MECOM: variants seen among roughly 807,000 people sequenced by gnomAD.
The protein encoded by MECOM is MDS1 and EVI1 complex locus.
In MECOM, 13 loss-of-function variants were observed where a neutral mutation model predicts 116.3. The observed-to-expected ratio is 0.11, with a 90% CI of 0.07 to 0.18. MECOM has a LOEUF of 0.18. MECOM is among the 10% of genes least tolerant of loss of function. The pLI is 1.00. For missense variants in MECOM, 1,299 were observed against 1,509.0 expected (o/e 0.86, Z 2.31); for synonymous variants, 528 against 535.2 (o/e 0.99, Z 0.19).
At chr3:169,145,231 C>T in intron 2 of MECOM, 1 of 526,684 alleles carries the variant, frequency 1.9e-6, no homozygotes, top group East Asian at 3.0e-5. Context: ...TGCCTCTTCA[C>T]ACTAACAACG....
chr3:169,083,856 C>T lies in MECOM; in HGVS notation c.*1053G>A, dbSNP rs1048392434. 9.7e-5 allele frequency: 21 copies of T among 216,572 alleles called. No homozygotes were observed. The highest frequency in any genetic ancestry group is 1.9e-4 in the Non-Finnish European group (20 of 107,538). 13.4% of individuals were successfully genotyped at this position (216,572 alleles called of 1,614,324 possible). On this transcript the variant is annotated 3_prime_UTR_variant, in exon 17 of 17. Transcript: ENST00000651503. ...ATGCTTCCATGAAAGAAATTATAAT[C>T]GTTTATACAATTGAATCGATTTCAG... is the stretch of plus-strand genomic sequence containing the variant.
At chr3:169,470,024 A>C (rs1019501635) in intron 1 of MECOM, 3 of 152,204 alleles carry the variant, frequency 2.0e-5, no homozygotes, top group Non-Finnish European at 4.4e-5. Context: ...CTCTTAAATA[A>C]ATTGTTGAAT....
intron 1 of MECOM, among the ~76,000 whole-genome samples, chr3:169,523,040 T>C (rs1344512932): frequency 6.6e-6 from 1 of 152,248 alleles, no homozygotes; most frequent in African/African-American, 2.4e-5. Flanking sequence ...ATTTTTGTAA[T>C]GTCATCACTT....
chr3:169,196,899 C>A (rs575966877), intron 2 of MECOM, among the ~76,000 whole-genome samples: 4 of 152,058 alleles, frequency 2.6e-5, no homozygotes, highest in Non-Finnish European at 1.5e-5. Flanking sequence ...TTAGCAAAAT[C>A]ATGGAGTCAA....
chr3:169,609,732 C>T (rs1769023953), intron 1 of MECOM, among the ~76,000 whole-genome samples: 1 of 152,082 alleles, frequency 6.6e-6, no homozygotes, highest in Non-Finnish European at 1.5e-5. Flanking sequence ...AAACAAGCAG[C>T]AAGTCAAAAA....
Position 169,164,465 on chromosome 3 carries a change from A to G in MECOM, c.376-20633T>C, listed in dbSNP as rs527926866. Among the ~76,000 whole-genome samples the G allele has an allele frequency of 2.6e-5, 4 of 152,230 alleles. No homozygotes were observed. The South Asian group carries it at 8.3e-4, about 32-fold the overall frequency. On this transcript the variant is annotated intron_variant, in intron 2 of 16. Transcript: ENST00000651503. ...AGCGGCATGAAAACCGACTAATACA[A>G]CAGTCTTTTAGGAAAAGATACACGC...
At chr3:169,462,023 C>T (rs1747535746) in intron 1 of MECOM, among the ~76,000 whole-genome samples, 1 of 152,102 alleles carries the variant, frequency 6.6e-6, no homozygotes, top group Non-Finnish European at 1.5e-5. Context: ...CAAATATTCG[C>T]TAGTGTATTT....
intron 9 of MECOM, among the ~76,000 whole-genome samples, chr3:169,110,699 A>C (rs892932247): frequency 6.6e-6 from 1 of 152,184 alleles, no homozygotes; most frequent in Non-Finnish European, 1.5e-5. Context: ...CCTGCTCCAG[A>C]ATGGCAGAAA....
chr3:169,624,457 A>T (rs1481553107), intron 1 of MECOM, among the ~76,000 whole-genome samples: 2 of 152,088 alleles, frequency 1.3e-5, no homozygotes, highest in Non-Finnish European at 2.9e-5. Context: ...TCCCCTAAAG[A>T]TATAAGAGAG....
intron 2 of MECOM, among the ~76,000 whole-genome samples, chr3:169,330,547 G>C (rs1279564107): frequency 6.6e-6 from 1 of 152,062 alleles, no homozygotes; most frequent in East Asian, 1.9e-4. Flanking sequence ...TTAAAAAAGA[G>C]CAAATAACAA....
At chr3:169,122,851 G>A in intron 5 of MECOM, 124 bp from the exon 6 acceptor site, 1 of 1,098,526 alleles carries the variant, frequency 9.1e-7, no homozygotes. Context: ...TGAGAAGGAG[G>A]GAAGAGCAGA....
intron 3 of MECOM, among the ~76,000 whole-genome samples, chr3:169,137,183 G>A (rs893493615): frequency 2.0e-5 from 3 of 152,100 alleles, no homozygotes; most frequent in African/African-American, 2.4e-5. Flanking sequence ...AGCAATTGGA[G>A]GGTGGGTAGG....
At chr3:169,263,442 T>A (rs758966215) in intron 2 of MECOM, among the ~76,000 whole-genome samples, 4 of 151,606 alleles carry the variant, frequency 2.6e-5, no homozygotes, top group Non-Finnish European at 5.9e-5. Context: ...TGAAAGATAT[T>A]TAAGTCCTGC....
intron 2 of MECOM, among the ~76,000 whole-genome samples, chr3:169,342,797 G>A (rs952820645): frequency 2.6e-5 from 4 of 152,162 alleles, no homozygotes; most frequent in African/African-American, 7.2e-5. Context: ...TCAGTAGAGA[G>A]AAAGTGGGAA....
chr3:169,455,073 A>G (rs1746244846), intron 1 of MECOM, among the ~76,000 whole-genome samples: 1 of 152,190 alleles, frequency 6.6e-6, no homozygotes, highest in Non-Finnish European at 1.5e-5. Context: ...ATGACACATC[A>G]TCATGTGAAT....
intron 1 of MECOM, among the ~76,000 whole-genome samples, chr3:169,586,703 A>C (rs1365924953): frequency 6.6e-6 from 1 of 152,242 alleles, no homozygotes; most frequent in East Asian, 1.9e-4. Flanking sequence ...TCACTTACCC[A>C]GACAGGAGAC....
At chr3:169,232,396 T>G (rs1334018259) in intron 2 of MECOM, among the ~76,000 whole-genome samples, 1 of 151,024 alleles carries the variant, frequency 6.6e-6, no homozygotes, top group Non-Finnish European at 1.5e-5. Flanking sequence ...AAAAAGCTTT[T>G]GTTAGGAATC....
At chr3:169,389,126 A>G (rs557682349) in intron 1 of MECOM, among the ~76,000 whole-genome samples, 2 of 152,240 alleles carry the variant, frequency 1.3e-5, no homozygotes, top group Admixed American at 1.3e-4. Context: ...TTTCACAGAC[A>G]TTTCACTAAA....
chr3:169,230,258 G>A (rs1338509269), intron 2 of MECOM, among the ~76,000 whole-genome samples: 3 of 144,000 alleles, frequency 2.1e-5, no homozygotes, highest in Non-Finnish European at 3.1e-5. Flanking sequence ...AAAAAAAAAA[G>A]GTTCTGGATT....
Sources: allele counts gnomAD v4.1 joint callset (sites outside exome capture counted in the v4.1 genomes callset), GRCh38; gene constraint gnomAD v4.1.1; transcripts MANE v1.5; gene names NCBI Gene and HGNC (gene_info 2026-07-23, HGNC 2026-07-21).